PIP5K1C: variants seen among roughly 807,000 people sequenced by gnomAD.
PIP5K1C encodes the protein phosphatidylinositol-4-phosphate 5-kinase type 1 gamma, also known as phosphatidylinositol 4-phosphate 5-kinase type-1 gamma.
PIP5K1C carries 45 observed loss-of-function variants against 80.1 expected under a neutral mutation model. The ratio of observed to expected loss-of-function variants is 0.56; its 90% CI spans 0.44 to 0.72. The LOEUF is 0.72. PIP5K1C is among the 30% of genes least tolerant of loss of function. The pLI is 0.00. For synonymous variants in PIP5K1C, 498 were observed against 420.1 expected (o/e 1.19, Z -2.27); for missense variants, 753 against 954.6 (o/e 0.79, Z 2.78).
intron 1 of PIP5K1C, among the ~76,000 whole-genome samples, chr19:3,693,985 G>A (rs2036024595): frequency 6.6e-6 from 1 of 151,470 alleles, no homozygotes; most frequent in Non-Finnish European, 1.5e-5. Flanking sequence ...GGCTGAGGCG[G>A]GCGGATCACC....
At chr19:3,699,743 C>A (rs2036238309) in intron 1 of PIP5K1C, among the ~76,000 whole-genome samples, 1 of 152,028 alleles carries the variant, frequency 6.6e-6, no homozygotes, top group Non-Finnish European at 1.5e-5. Flanking sequence ...ACCAGTGTGT[C>A]CTGGGGGAAG....
At chr19:3,657,533 G>A (rs1051289454) in intron 5 of PIP5K1C, among the ~76,000 whole-genome samples, 2 of 152,160 alleles carry the variant, frequency 1.3e-5, no homozygotes, top group African/African-American at 4.8e-5. Context: ...TCTGCTGGAC[G>A]ACAGAAGGGT....
In PIP5K1C at chr19:3,632,756, G is replaced by A. The variant is rs528998810; in HGVS notation, c.*411C>T. 3.9e-5 allele frequency: 7 copies of A among 177,748 alleles called. No homozygotes were observed. In the East Asian group the frequency reaches 7.9e-4, roughly 20 times the overall value. The allele number at this position is 177,748 out of a possible 1,614,324, so 11.0% of individuals were successfully genotyped here. On this transcript the variant is annotated 3_prime_UTR_variant, in exon 18 of 18. Transcript: ENST00000335312. The stretch of plus-strand genomic sequence containing the variant: ...GGGGCTCAGGTCCCCAGAGGCCACC[G>A]CGAACAGCCTGGCTTCTTCCTCAGG...
chr19:3,690,079 A>G (rs1209022497), intron 1 of PIP5K1C, among the ~76,000 whole-genome samples: 1 of 151,474 alleles, frequency 6.6e-6, no homozygotes, highest in Non-Finnish European at 1.5e-5. Context: ...GGTGGGACTC[A>G]CTTTTTACTC....
Position 3,632,721 on chromosome 19 carries a change from TG to T in PIP5K1C, c.*445del. The T allele has an allele frequency of 5.9e-6, 1 of 170,198 alleles. No individual in the cohort carries two copies. The highest frequency in any genetic ancestry group is 1.6e-4 in the South Asian group (1 of 6,264). 10.5% of individuals were successfully genotyped at this position (170,198 alleles called of 1,614,324 possible). ...CCCAGCCGTCCCCTCTGCAGGCCGATGGGGCCCCCGGGGCTCAGGTCCCCAG... is the reference window on the plus strand; with the variant it reads ...CCCAGCCGTCCCCTCTGCAGGCCGATGGGCCCCCGGGGCTCAGGTCCCCAG... On this transcript the variant is annotated 3_prime_UTR_variant, in exon 18 of 18. Transcript: ENST00000335312.
At position 3,696,455 on chromosome 19, in the gene PIP5K1C, G is replaced by A. The variant is rs1397926666; in HGVS notation, c.94+3842C>T. Among the ~76,000 whole-genome samples the A allele has an allele frequency of 1.3e-5, 2 of 152,202 alleles. No homozygotes were observed. The highest frequency in any genetic ancestry group is 4.8e-5 in the African/African-American group (2 of 41,442). On this transcript the variant is annotated intron_variant, in intron 1 of 17. Coordinates refer to ENST00000335312, the MANE Select transcript of PIP5K1C (RefSeq NM_012398.3). The surrounding 1 kb of genome is among the most constrained non-coding windows in gnomAD (Gnocchi z 4.1). ...CAAACGCTATGGTGGCACAATCAGG[G>A]AAGAGGAACCGGGAGGGCAGGGGAC...
chr19:3,635,207 C>T (rs1265636634), intron 16 of PIP5K1C, among the ~76,000 whole-genome samples: 2 of 152,246 alleles, frequency 1.3e-5, no homozygotes, highest in African/African-American at 4.8e-5. Context: ...CGGGCACACA[C>T]AGCACGTGGG....
In PIP5K1C at chr19:3,661,088, G is replaced by T; in HGVS notation, c.351-5C>A. 1 of 1,608,890 alleles carries T rather than the reference G, an allele frequency of 6.2e-7. No individual in the cohort carries two copies. The highest frequency in any genetic ancestry group is 8.5e-7 in the Non-Finnish European group (1 of 1,175,498). ...GGGGTGAGGTTGCTGCCTTCGCTGT[G>T]GAGGAAGGACGGGAGGAAACCTGTG... On this transcript the variant is annotated splice_region_variant and splice_polypyrimidine_tract_variant and intron_variant, in intron 4 of 17. Transcript: ENST00000335312.
At position 3,696,266 on chromosome 19, in the gene PIP5K1C, G is replaced by A. The variant is rs1363431115; in HGVS notation, c.94+4031C>T. ...TTACCCTTCCTCCCTGGCACTGCTG[G>A]CCTCATGCACCTGATGTTCACCAGG... On this transcript the variant is annotated intron_variant, in intron 1 of 17. Transcript: ENST00000335312. The surrounding 1 kb of genome is among the most constrained non-coding windows in gnomAD (Gnocchi z 4.1). Among the ~76,000 whole-genome samples the A allele has an allele frequency of 2.6e-5, 4 of 152,326 alleles. No homozygotes were observed. In the East Asian group the frequency reaches 7.7e-4, roughly 29 times the overall value.
In PIP5K1C at chr19:3,648,499, C is replaced by G; in HGVS notation, c.1211+126G>C. The G allele has an allele frequency of 1.3e-6, 1 of 756,096 alleles. No homozygotes were observed. The highest frequency in any genetic ancestry group is 2.7e-5 in the East Asian group (1 of 36,736). 46.8% of individuals were successfully genotyped at this position (756,096 alleles called of 1,614,324 possible). A position where few individuals can be genotyped will look rare whatever the true frequency, so the allele number is the denominator to read the frequency against. On this transcript the variant is annotated intron_variant, in intron 9 of 17. Transcript: ENST00000335312. This position sits in a 1 kb window ranked among gnomAD's most constrained non-coding sequence, Gnocchi z 4.3. The stretch of plus-strand genomic sequence containing the variant: ...GCCCATCCACCTGTGGGACTGCAGA[C>G]CCAGGCGCCCACCTGTGGGGCTGCA...
At chr19:3,657,940 AC>A (rs1038617481) in intron 5 of PIP5K1C, among the ~76,000 whole-genome samples, 98 of 152,042 alleles carry the variant, frequency 6.4e-4, no homozygotes, top group African/African-American at 2.2e-3. Context: ...TTAAAAAAAC[AC>A]CCCAACAAGT....
chr19:3,679,327 C>A (rs889871328), intron 1 of PIP5K1C, among the ~76,000 whole-genome samples: 8 of 152,190 alleles, frequency 5.3e-5, no homozygotes, highest in Non-Finnish European at 1.5e-5. Flanking sequence ...CATGTTCCTG[C>A]CTCAGGGGCC....
chr19:3,660,139 G>A (rs1163818428), intron 5 of PIP5K1C, among the ~76,000 whole-genome samples: 3 of 152,170 alleles, frequency 2.0e-5, no homozygotes, highest in Admixed American at 1.3e-4. Context: ...CCAGCACTAC[G>A]GGAGGCTGAG....
intron 1 of PIP5K1C, among the ~76,000 whole-genome samples, chr19:3,695,795 C>T (rs1271543751): frequency 6.6e-6 from 1 of 151,170 alleles, no homozygotes; most frequent in Non-Finnish European, 1.5e-5. Flanking sequence ...ACGATCACAG[C>T]TCAGTGCAGC....
intron 5 of PIP5K1C, among the ~76,000 whole-genome samples, chr19:3,658,032 G>A (rs1421284029): frequency 6.6e-6 from 1 of 152,224 alleles, no homozygotes; most frequent in Non-Finnish European, 1.5e-5. Context: ...CACACACTCT[G>A]ATCTGTGAAT....
chr19:3,659,784 G>A (rs557762985), intron 5 of PIP5K1C, among the ~76,000 whole-genome samples: 6 of 152,202 alleles, frequency 3.9e-5, no homozygotes, highest in Non-Finnish European at 5.9e-5. Flanking sequence ...CTGGAAGAGC[G>A]CAGCCTCGGG....
chr19:3,697,216 A>AAGCTGGACCGGGGAGGACCG (rs2036145570), intron 1 of PIP5K1C, among the ~76,000 whole-genome samples: 2 of 116,446 alleles, frequency 1.7e-5, no homozygotes, highest in African/African-American at 3.4e-5. Flanking sequence ...GAGGAGGACT[A>AAGCTGGACCGGGGAGGACCG]AGCTGGACCG....
In PIP5K1C at chr19:3,631,952, A is replaced by C. The variant is rs1232080146; in HGVS notation, c.*1215T>G. 3 of 152,152 alleles carry C rather than the reference A, an allele frequency of 2.0e-5. No individual in the cohort carries two copies. The highest frequency in any genetic ancestry group is 7.2e-5 in the African/African-American group (3 of 41,432). The allele number at this position is 152,152 out of a possible 1,614,324, so 9.4% of individuals were successfully genotyped here. ...CAGCCATCACCAATAAGCCCCTCTC[A>C]GGGGTCCTGGGGAAGGGCAGGGTGG... is the stretch of plus-strand genomic sequence containing the variant. On this transcript the variant is annotated 3_prime_UTR_variant, in exon 18 of 18. Coordinates refer to ENST00000335312, the MANE Select transcript of PIP5K1C (RefSeq NM_012398.3).
At chr19:3,695,397 C>T (rs2036071734) in intron 1 of PIP5K1C, among the ~76,000 whole-genome samples, 1 of 152,336 alleles carries the variant, frequency 6.6e-6, no homozygotes, top group Admixed American at 6.5e-5. Context: ...TCTCACGGGG[C>T]CGGCTGCCTG....
Sources: gnomAD v4.1 joint callset for allele counts (sites outside exome capture counted in the v4.1 genomes callset) on GRCh38, gnomAD v4.1.1 for gene constraint, Gnocchi (gnomAD v3.1) non-coding constraint, MANE v1.5 for transcripts, NCBI Gene and HGNC (gene_info 2026-07-23, HGNC 2026-07-21) for gene names.